Variants in ARHGEF10L observed in about 807,000 individuals in gnomAD.
ARHGEF10L encodes the protein Rho guanine nucleotide exchange factor 10 like.
ARHGEF10L carries 69 observed loss-of-function variants against 141.2 expected under a neutral mutation model. The ratio of observed to expected loss-of-function variants is 0.49; its 90% confidence interval spans 0.40 to 0.60. The LOEUF (loss-of-function observed/expected upper bound fraction) is 0.60. Among genes scored for constraint, ARHGEF10L ranks in the 20% least tolerant of loss-of-function variants. The pLI is 0.00. For missense variants in ARHGEF10L, 1,482 were observed against 1,734.3 expected, an observed-to-expected ratio of 0.85 and a Z score of 2.58; for synonymous variants, 711 against 718.5, an observed-to-expected ratio of 0.99 and a Z score of 0.17.
At chr1:17,605,167 G>A (rs987313585) in intron 6 of ARHGEF10L, among the ~76,000 whole-genome samples, 3 of 152,220 alleles carry the variant, frequency 2.0e-5, no homozygotes, top group African/African-American at 7.2e-5. Flanking sequence ...TGGCCTGCCT[G>A]GGGCTGATGT....
chr1:17,560,690 T>C (rs1158897964), intron 1 of ARHGEF10L, among the ~76,000 whole-genome samples: 1 of 152,232 alleles, frequency 6.6e-6, no homozygotes, highest in Non-Finnish European at 1.5e-5. Context: ...TTCAGCCTCC[T>C]GAATAGCTGG....
intron 8 of ARHGEF10L, 66 bp from the exon 9 acceptor site, chr1:17,616,028 G>A: frequency 1.4e-6 from 2 of 1,379,530 alleles, no homozygotes; most frequent in Non-Finnish European, 2.1e-6. Flanking sequence ...TGGGGAGGCG[G>A]GTGGCCCTCG....
At chr1:17,530,260 G>T in the ARHGEF10L span, among the ~76,000 whole-genome samples, 2 of 152,128 alleles carry the variant, frequency 1.3e-5, no homozygotes, top group African/African-American at 2.4e-5. Context: ...TATCATGCTG[G>T]CTTACCTGTA....
intron 4 of ARHGEF10L, among the ~76,000 whole-genome samples, chr1:17,596,557 G>T (rs997105123): frequency 6.6e-6 from 1 of 152,242 alleles, no homozygotes; most frequent in Non-Finnish European, 1.5e-5. Context: ...GCCCCAGAAT[G>T]CTTGTGCGTG....
At position 17,667,478 on chromosome 1, in the gene ARHGEF10L, G is replaced by C. The variant is rs571218095; in HGVS notation, c.3009+2883G>C. ...GAGACAGGAAGAAGCCGAGAACAGA[G>C]AAAGAATGGGATGGGAGGGTGCAGG... On this transcript the variant is annotated intron_variant, in intron 26 of 28. Transcript: ENST00000361221. 5.9e-5 allele frequency among the ~76,000 whole-genome samples: 9 copies of C among 152,366 alleles called. No individual in the cohort carries two copies. In the South Asian group the frequency reaches 1.7e-3, roughly 28 times the overall value.
At chr1:17,671,157 C>T (rs1039747737) in intron 26 of ARHGEF10L, among the ~76,000 whole-genome samples, 2 of 152,348 alleles carry the variant, frequency 1.3e-5, no homozygotes, top group Admixed American at 1.3e-4. Context: ...GTGAGTGTGC[C>T]GGCACCTTCC....
At position 17,634,821 on chromosome 1, in the gene ARHGEF10L, C is replaced by T. The variant is rs747451030; in HGVS notation, c.1746-14C>T. 1.9e-6 allele frequency: 3 copies of T among 1,607,602 alleles called. No homozygotes were observed. The highest frequency in any genetic ancestry group is 2.5e-6 in the Non-Finnish European group (3 of 1,176,970). On this transcript the variant is annotated splice_polypyrimidine_tract_variant and intron_variant, in intron 17 of 28. Coordinates refer to ENST00000361221, the MANE Select transcript of ARHGEF10L (RefSeq NM_018125.4). ...TGCAGCCTCTCCAGGGCCTTGTCCT[C>T]TCTGTTCCAACAGGGGCCAGCTGGA...
At chr1:17,578,215 C>T (rs1323329759) in intron 1 of ARHGEF10L, among the ~76,000 whole-genome samples, 1 of 152,328 alleles carries the variant, frequency 6.6e-6, no homozygotes, top group African/African-American at 2.4e-5. Context: ...GAGCAGACCT[C>T]AGAGGTTTTG....
chr1:17,517,393 G>A, the ARHGEF10L span, among the ~76,000 whole-genome samples: 1 of 152,140 alleles, frequency 6.6e-6, no homozygotes, highest in East Asian at 1.9e-4. Flanking sequence ...GCGCAGTGGT[G>A]CAATCTCAGC....
intron 4 of ARHGEF10L, among the ~76,000 whole-genome samples, chr1:17,593,458 G>T (rs557509256): frequency 6.6e-6 from 1 of 152,282 alleles, no homozygotes; most frequent in African/African-American, 2.4e-5. Context: ...TGGGTTATCT[G>T]TGGGCCCAGT....
At position 17,654,785 on chromosome 1, in the gene ARHGEF10L, C is replaced by T. The variant is rs2062129503; in HGVS notation, c.2481+63C>T. 2.7e-6 allele frequency: 4 copies of T among 1,469,106 alleles called. No homozygotes were observed. Among genetic ancestry groups the T allele is most frequent in the Non-Finnish European group, 3.8e-6 (4 of 1,054,228 alleles). The allele number at this position is 1,469,106 out of a possible 1,614,324, so 91.0% of individuals were successfully genotyped here. A position where few individuals can be genotyped will look rare whatever the true frequency, so the allele number is the denominator to read the frequency against. On this transcript the variant is annotated intron_variant, in intron 23 of 28. Transcript: ENST00000361221. The surrounding 1 kb of genome is among the most constrained non-coding windows in gnomAD (Gnocchi z 4.3). ...CAGGACAGGAGTAGGGAGAGCGGCA[C>T]CTGGGAGGGGGTGCTGGAGACAGCA...
intron 1 of ARHGEF10L, among the ~76,000 whole-genome samples, chr1:17,561,904 T>C (rs1305404871): frequency 6.6e-6 from 1 of 152,114 alleles, no homozygotes; most frequent in East Asian, 1.9e-4. Context: ...ATCGGGAAGG[T>C]TCCAAGGGAG....
chr1:17,544,072 G>A (rs2076830419), intron 1 of ARHGEF10L, among the ~76,000 whole-genome samples: 1 of 148,214 alleles, frequency 6.7e-6, no homozygotes, highest in Non-Finnish European at 1.5e-5. Context: ...TCAGCCTCTG[G>A]GATTACAGTA....
intron 1 of ARHGEF10L, among the ~76,000 whole-genome samples, chr1:17,542,309 T>C (rs1235920594): frequency 6.6e-6 from 1 of 151,664 alleles, no homozygotes; most frequent in East Asian, 2.0e-4. Flanking sequence ...ATTAGTTGGA[T>C]GTGCTGGTGC....
At position 17,558,357 on chromosome 1, in the gene ARHGEF10L, G is replaced by C. The variant is rs954684808; in HGVS notation, c.-44+18407G>C. ...TTCGGCATGCTAAGGACTGCCCTGG[G>C]TATTGGAGAGACAGAAATGAAAGGC... On this transcript the variant is annotated intron_variant, in intron 1 of 28. Transcript: ENST00000361221. This position sits in a 1 kb window ranked among gnomAD's most constrained non-coding sequence, Gnocchi z 4.2. Among the ~76,000 whole-genome samples the C allele has an allele frequency of 2.6e-5, 4 of 152,336 alleles. No homozygotes were observed. In the South Asian group the frequency reaches 8.3e-4, roughly 32 times the overall value.
In ARHGEF10L at chr1:17,673,197, G is replaced by A. The variant is rs2063432401; in HGVS notation, c.3009+8602G>A. 6.6e-6 allele frequency among the ~76,000 whole-genome samples: 1 copy of A among 152,146 alleles called. No individual in the cohort carries two copies. Among genetic ancestry groups the A allele is most frequent in the African/African-American group, 2.4e-5 (1 of 41,426 alleles). On this transcript the variant is annotated intron_variant, in intron 26 of 28. Coordinates refer to ENST00000361221, the MANE Select transcript of ARHGEF10L (RefSeq NM_018125.4). This position sits in a 1 kb window ranked among gnomAD's most constrained non-coding sequence, Gnocchi z 4.1. ...GAGGACATATGGGACGGGAGGTGAGGAAGGGGAGCTGGCACGGCAGGGGCA... is the reference window on the plus strand; with the variant it reads ...GAGGACATATGGGACGGGAGGTGAGAAAGGGGAGCTGGCACGGCAGGGGCA...
At chr1:17,629,569 G>A (rs1239147456) in intron 15 of ARHGEF10L, among the ~76,000 whole-genome samples, 1 of 152,142 alleles carries the variant, frequency 6.6e-6, no homozygotes, top group Non-Finnish European at 1.5e-5. Context: ...CCTGCTCCAG[G>A]AGGATTGGGC....
chr1:17,658,771 C>T (rs1243742298), intron 25 of ARHGEF10L, among the ~76,000 whole-genome samples: 1 of 151,374 alleles, frequency 6.6e-6, no homozygotes, highest in Non-Finnish European at 1.5e-5. Flanking sequence ...GCCGAGGGCT[C>T]CGACGGAAAG....
chr1:17,674,426 T>A (rs2063513084), intron 26 of ARHGEF10L, among the ~76,000 whole-genome samples: 1 of 152,180 alleles, frequency 6.6e-6, no homozygotes, highest in Non-Finnish European at 1.5e-5. Context: ...GGTGCCCCAA[T>A]GAGGGAGTCT....
Sources: allele counts gnomAD v4.1 joint callset (sites outside exome capture counted in the v4.1 genomes callset), GRCh38; gene constraint gnomAD v4.1.1; non-coding constraint Gnocchi (gnomAD v3.1); transcripts MANE v1.5; gene names NCBI Gene and HGNC (gene_info 2026-07-23, HGNC 2026-07-21).